LSAMP: variants seen among roughly 807,000 people sequenced by gnomAD.
LSAMP encodes limbic system associated membrane protein.
A neutral mutation model predicts 38.6 loss-of-function variants in LSAMP; 7 were observed. The ratio of observed to expected loss-of-function variants is 0.18; its 90% CI spans 0.10 to 0.34. LSAMP has a LOEUF of 0.34. Ranked by LOEUF, LSAMP falls within the 10% of genes least tolerant of loss-of-function variation. The probability of loss-of-function intolerance (pLI) is 1.00; values close to 1 mark genes in which losing one functional copy is unlikely to be tolerated. For synonymous variants in LSAMP, 154 were observed against 166.8 expected, an observed-to-expected ratio of 0.92 and a Z score of 0.59; for missense variants, 313 against 420.0, an observed-to-expected ratio of 0.75 and a Z score of 2.23.
chr3:116,191,687 T>C (rs573346211), intron 1 of LSAMP, among the ~76,000 whole-genome samples: 2 of 151,886 alleles, frequency 1.3e-5, no homozygotes, highest in Non-Finnish European at 2.9e-5. Context: ...ATCAGGTTTT[T>C]GTGCCATTCC....
chr3:115,985,140 G>A (rs188952247), intron 3 of LSAMP, among the ~76,000 whole-genome samples: 10 of 152,104 alleles, frequency 6.6e-5, no homozygotes, highest in African/African-American at 9.7e-5. Flanking sequence ...TACAGAGGAA[G>A]GATTTATTGC....
intron 3 of LSAMP, among the ~76,000 whole-genome samples, chr3:115,875,211 C>G (rs951540198): frequency 6.6e-6 from 1 of 152,096 alleles, no homozygotes; most frequent in African/African-American, 2.4e-5. Context: ...TCCTTTCCAT[C>G]AGAAGAAGCG....
chr3:116,422,563 G>T (rs1317884291), intron 1 of LSAMP, among the ~76,000 whole-genome samples: 1 of 152,166 alleles, frequency 6.6e-6, no homozygotes, highest in Non-Finnish European at 1.5e-5. Flanking sequence ...CAGAAAGTAA[G>T]TTGGAGGTTG....
intron 3 of LSAMP, among the ~76,000 whole-genome samples, chr3:115,977,857 A>T (rs12491832): frequency 0.28 from 42,121 of 152,116 alleles, 7,056 homozygotes; most frequent in African/African-American, 0.48. Context: ...CAAACTAAAA[A>T]AGAAAGAAGA....
In LSAMP at chr3:115,844,559, T is replaced by A. The variant is rs969754149; in HGVS notation, c.650-1981A>T. On this transcript the variant is annotated intron_variant, in intron 4 of 6. Coordinates refer to ENST00000490035, the MANE Select transcript of LSAMP (RefSeq NM_002338.5). ...AAAGGGATGGGACACAGAATAGAGG[T>A]TCTGGGCTTGGATTTAAAATTTGGC... Among the ~76,000 whole-genome samples, 74 of 151,994 alleles carry A rather than the reference T, an allele frequency of 4.9e-4. 1 individual carries two copies. The highest frequency in any genetic ancestry group is 5.0e-4 in the Non-Finnish European group (34 of 68,000).
chr3:115,828,890 G>A (rs1452907804), intron 6 of LSAMP, among the ~76,000 whole-genome samples: 1 of 152,140 alleles, frequency 6.6e-6, no homozygotes, highest in Non-Finnish European at 1.5e-5. Context: ...AAGGCATTAA[G>A]GACAGGGAGC....
intron 6 of LSAMP, among the ~76,000 whole-genome samples, chr3:115,815,399 A>C (rs1353565413): frequency 6.6e-6 from 1 of 152,060 alleles, no homozygotes; most frequent in Non-Finnish European, 1.5e-5. Context: ...GTTTTCTTTG[A>C]GTAATGGGTC....
chr3:116,270,935 C>T (rs980658931), intron 1 of LSAMP, among the ~76,000 whole-genome samples: 2 of 152,094 alleles, frequency 1.3e-5, no homozygotes, highest in African/African-American at 4.8e-5. Context: ...GCTTACTTCT[C>T]CAGATTTCAA....
At chr3:116,058,344 T>C (rs950957395) in intron 2 of LSAMP, among the ~76,000 whole-genome samples, 1 of 152,002 alleles carries the variant, frequency 6.6e-6, no homozygotes, top group African/African-American at 2.4e-5. Flanking sequence ...AGGTGGAATA[T>C]GAGATGGAAT....
intron 6 of LSAMP, among the ~76,000 whole-genome samples, chr3:115,828,239 T>C (rs548448580): frequency 6.6e-6 from 1 of 152,318 alleles, no homozygotes; most frequent in Admixed American, 6.5e-5. Context: ...AGGAACAGGT[T>C]AAAATTAAGG....
chr3:116,339,724 T>C (rs1465918625), intron 1 of LSAMP, among the ~76,000 whole-genome samples: 2 of 152,006 alleles, frequency 1.3e-5, no homozygotes, highest in Admixed American at 1.3e-4. Flanking sequence ...AGATGAGAAG[T>C]CTGAGTTTTG....
intron 1 of LSAMP, among the ~76,000 whole-genome samples, chr3:116,356,551 A>G (rs2048225851): frequency 6.6e-6 from 1 of 152,214 alleles, no homozygotes; most frequent in Non-Finnish European, 1.5e-5. Flanking sequence ...GTTAGCAGTA[A>G]TCTGTTGTAC....
intron 1 of LSAMP, among the ~76,000 whole-genome samples, chr3:116,276,190 T>C (rs990479102): frequency 2.0e-5 from 3 of 152,034 alleles, no homozygotes; most frequent in Admixed American, 1.3e-4. Flanking sequence ...AGAATGACCT[T>C]TAAGTAGTAA....
chr3:115,956,099 A>G (rs1415414758), intron 3 of LSAMP, among the ~76,000 whole-genome samples: 1 of 152,034 alleles, frequency 6.6e-6, no homozygotes, highest in Admixed American at 6.6e-5. Flanking sequence ...CTTCACCTAG[A>G]GACATACTAT....
At chr3:115,839,544 T>C (rs1016301180) in intron 6 of LSAMP, among the ~76,000 whole-genome samples, 4 of 152,130 alleles carry the variant, frequency 2.6e-5, no homozygotes, top group Admixed American at 6.5e-5. Context: ...AATAGTGCAA[T>C]AGATTCACCA....
rs577141154 is a variant in LSAMP, at chr3:115,888,792, TATA to T, written c.515-36178_515-36176del. Among the ~76,000 whole-genome samples, 11 of 152,026 alleles carry T rather than the reference TATA, an allele frequency of 7.2e-5. 1 individual carries two copies. In the South Asian group the frequency reaches 2.3e-3, roughly 31 times the overall value. On this transcript the variant is annotated intron_variant, in intron 3 of 6. Transcript: ENST00000490035. ...ATCCTGATCTCAGACTGTTTGGAAG[TATA>T]ATAAGTGCAGAAAAGAGGAAAGTCA...
At chr3:115,967,866 C>A (rs143835159) in intron 3 of LSAMP, among the ~76,000 whole-genome samples, 1 of 152,136 alleles carries the variant, frequency 6.6e-6, no homozygotes, top group East Asian at 1.9e-4. Flanking sequence ...CCTCCCACAA[C>A]ATGTGGGAAT....
rs1423235440 is a variant in LSAMP at position 115,802,542 on chromosome 3, A to C, written c.*7775T>G. On this transcript the variant is annotated 3_prime_UTR_variant, in exon 7 of 7. Transcript: ENST00000490035. Reference sequence around the variant, plus strand: ...TTAATTTTAATTTTTTTTTTTTAACACACATTGCGCTTTTTATCTCCTTCA... The same window carrying C: ...TTAATTTTAATTTTTTTTTTTTAACCCACATTGCGCTTTTTATCTCCTTCA... 4 of 148,158 alleles carry C rather than the reference A, an allele frequency of 2.7e-5. No individual in the cohort carries two copies. The highest frequency in any genetic ancestry group is 5.9e-5 in the Non-Finnish European group (4 of 67,856). 9.2% of individuals were successfully genotyped at this position (148,158 alleles called of 1,614,324 possible).
intron 3 of LSAMP, among the ~76,000 whole-genome samples, chr3:115,896,492 A>G (rs1396553962): frequency 1.3e-5 from 2 of 152,078 alleles, no homozygotes; most frequent in South Asian, 2.1e-4. Context: ...GAGTAGAAAA[A>G]GATGAAATCA....
Sources: gnomAD v4.1 joint callset for allele counts (sites outside exome capture counted in the v4.1 genomes callset) on GRCh38, gnomAD v4.1.1 for gene constraint, MANE v1.5 for transcripts, NCBI Gene and HGNC (gene_info 2026-07-23, HGNC 2026-07-21) for gene names.